DDI2: variants seen among roughly 807,000 people sequenced by gnomAD.
DDI2 encodes the protein DDI proteasomal shuttling factor 2.
DDI2 carries 5 observed loss-of-function variants against 48.1 expected under a neutral mutation model. The ratio of observed to expected loss-of-function variants is 0.10; its 90% CI spans 0.05 to 0.22. The LOEUF (loss-of-function observed/expected upper bound fraction) is 0.22. DDI2 is among the 10% of genes least tolerant of loss of function. The pLI is 1.00. For synonymous variants in DDI2, 205 were observed against 183.6 expected, an observed-to-expected ratio of 1.12 and a Z score of -0.94; for missense variants, 285 against 506.2, an observed-to-expected ratio of 0.56 and a Z score of 4.19.
rs778662300 is a variant in DDI2, at chr1:15,661,410, G to C, written c.*1620G>C. Reference sequence around the variant, plus strand: ...AGACTTCTGAGCAAACTAAGTCTTTGTCATCCAATTTCATATTGGTTAAAG... The same window carrying C: ...AGACTTCTGAGCAAACTAAGTCTTTCTCATCCAATTTCATATTGGTTAAAG... On this transcript the variant is annotated 3_prime_UTR_variant, in exon 10 of 10. Coordinates refer to ENST00000480945, the MANE Select transcript of DDI2 (RefSeq NM_032341.5). The C allele has an allele frequency of 4.3e-6, 7 of 1,614,020 alleles. No homozygotes were observed. Among genetic ancestry groups the C allele is most frequent in the Non-Finnish European group, 4.2e-6 (5 of 1,180,052 alleles).
chr1:15,654,391 GC>G (rs1311755859), intron 8 of DDI2, among the ~76,000 whole-genome samples: 1 of 152,130 alleles, frequency 6.6e-6, no homozygotes, highest in Non-Finnish European at 1.5e-5. Flanking sequence ...GGTGGCTTAT[GC>G]CTGTGATCCC....
chr1:15,621,880 G>T (rs184875724), intron 1 of DDI2, among the ~76,000 whole-genome samples: 62 of 152,246 alleles, frequency 4.1e-4, no homozygotes, highest in African/African-American at 1.4e-3. Context: ...ATATGCAGTT[G>T]CCAGATCAAA....
chr1:15,660,816 T>C lies in DDI2; in HGVS notation c.*1026T>C. ...AGGATTTACAGCCCCCAGAAACTAA[T>C]GTTGAAATACCTGGAACAAATAAAG... On this transcript the variant is annotated 3_prime_UTR_variant, in exon 10 of 10. Transcript: ENST00000480945. 6.2e-7 allele frequency: 1 copy of C among 1,614,160 alleles called. No homozygotes were observed.
chr1:15,652,561 C>A (rs1215798318), intron 8 of DDI2, among the ~76,000 whole-genome samples: 2 of 149,140 alleles, frequency 1.3e-5, no homozygotes, highest in African/African-American at 4.9e-5. Context: ...CGGTGGCTCA[C>A]GCCTGTAATC....
In DDI2 at chr1:15,629,726, ATT is replaced by A. The variant is rs113510565; in HGVS notation, c.269-583_269-582del. 6.3e-3 allele frequency among the ~76,000 whole-genome samples: 894 copies of A among 142,440 alleles called. 8 individuals carry two copies. The highest frequency in any genetic ancestry group is 0.022 in the African/African-American group (831 of 38,478). 93.4% of individuals were successfully genotyped at this position (142,440 alleles called of 152,430 possible). On this transcript the variant is annotated intron_variant, in intron 2 of 9. Transcript: ENST00000480945. ...ATTATATTTATTGAAACTAGCTTTA[ATT>A]TTTTTTTTTTTTTTTCTTTTGAGAT...
At chr1:15,642,902 C>G (rs1256782070) in intron 5 of DDI2, among the ~76,000 whole-genome samples, 1 of 152,142 alleles carries the variant, frequency 6.6e-6, no homozygotes, top group Non-Finnish European at 1.5e-5. Context: ...CCCACCTCTA[C>G]TAAAAATACA....
chr1:15,626,746 G>A lies in DDI2; in HGVS notation c.216G>A (p.Val72=). Residue 72 remains valine (V), a synonymous_variant, in exon 2 of 10, where the codon GTG becomes GTA. Transcript: ENST00000480945. ...ASYGLKDGDV[V]ILRQKENADP... ...ATGGCTTGAAAGATGGGGACGTTGT[G>A]ATTTTACGACAGAAGGAGAATGCAG... 1 of 1,614,204 alleles carries A rather than the reference G, an allele frequency of 6.2e-7. No individual in the cohort carries two copies. The highest frequency in any genetic ancestry group is 8.5e-7 in the Non-Finnish European group (1 of 1,180,040).
chr1:15,651,235 T>C (rs1640177295), intron 7 of DDI2, among the ~76,000 whole-genome samples: 1 of 152,212 alleles, frequency 6.6e-6, no homozygotes. Flanking sequence ...ATTTTTTTAG[T>C]CATGGTATAG....
At position 15,668,238 on chromosome 1, in the gene DDI2, G is replaced by A. The variant is rs1196852860; in HGVS notation, c.*8448G>A. ...TGGTAGACCTGTATTTCCTTCCCGA[G>A]GCAGGCTGATTCGTTTCCTGATTCC... On this transcript the variant is annotated 3_prime_UTR_variant, in exon 10 of 10. Transcript: ENST00000480945. The A allele has an allele frequency of 6.6e-6, 1 of 152,090 alleles. No individual in the cohort carries two copies. Among genetic ancestry groups the A allele is most frequent in the African/African-American group, 2.4e-5 (1 of 41,402 alleles). 9.4% of individuals were successfully genotyped at this position (152,090 alleles called of 1,614,324 possible).
intron 2 of DDI2, among the ~76,000 whole-genome samples, chr1:15,628,874 C>T (rs747224264): frequency 4.6e-5 from 7 of 152,156 alleles, no homozygotes; most frequent in Non-Finnish European, 8.8e-5. Context: ...CCCTAGTCTC[C>T]GCAGCCTAGA....
At position 15,664,424 on chromosome 1, in the gene DDI2, C is replaced by CTT. The variant is rs1202542412; in HGVS notation, c.*4635_*4636insTT. 2.1e-5 allele frequency: 3 copies of CTT among 140,220 alleles called. No homozygotes were observed. Among genetic ancestry groups the CTT allele is most frequent in the African/African-American group, 8.4e-5 (3 of 35,648 alleles). 8.7% of individuals were successfully genotyped at this position (140,220 alleles called of 1,614,324 possible). ...CCAGTGTGGGCGGCAGAGTGAGACT[C>CTT]TGTCTCACCCAAAAAAAAAAAAAAA... On this transcript the variant is annotated 3_prime_UTR_variant, in exon 10 of 10. Transcript: ENST00000480945.
intron 6 of DDI2, among the ~76,000 whole-genome samples, chr1:15,644,888 C>T (rs1195077448): frequency 4.7e-5 from 7 of 150,044 alleles, no homozygotes; most frequent in East Asian, 4.0e-4. Flanking sequence ...CCACCGCTCC[C>T]GGCCTCTTTT....
intron 6 of DDI2, among the ~76,000 whole-genome samples, chr1:15,645,170 G>GCT (rs1187208997): frequency 6.6e-6 from 1 of 152,246 alleles, no homozygotes; most frequent in African/African-American, 2.4e-5. Context: ...TGGGATTATG[G>GCT]CGTGAGCCAC....
chr1:15,621,584 C>G (rs908422989), intron 1 of DDI2, among the ~76,000 whole-genome samples: 1 of 152,120 alleles, frequency 6.6e-6, no homozygotes, highest in African/African-American at 2.4e-5. Flanking sequence ...GGGGGTTTCA[C>G]TGTGTTGGCC....
chr1:15,650,419 G>A (rs893636055), intron 7 of DDI2, among the ~76,000 whole-genome samples: 1 of 152,046 alleles, frequency 6.6e-6, no homozygotes, highest in Non-Finnish European at 1.5e-5. Context: ...GACCTCACTG[G>A]GTACTTCACA....
intron 9 of DDI2, among the ~76,000 whole-genome samples, chr1:15,658,647 G>A (rs745483445): frequency 6.6e-6 from 1 of 151,810 alleles, no homozygotes; most frequent in Non-Finnish European, 1.5e-5. Flanking sequence ...TGTAATCCCA[G>A]CTACTCTGAG....
intron 6 of DDI2, among the ~76,000 whole-genome samples, chr1:15,644,893 T>C (rs966100711): frequency 4.6e-5 from 7 of 150,750 alleles, no homozygotes; most frequent in Non-Finnish European, 1.0e-4. Flanking sequence ...GCTCCCGGCC[T>C]CTTTTCTGTT....
chr1:15,644,899 C>T (rs1392792780), intron 6 of DDI2, among the ~76,000 whole-genome samples: 2 of 138,842 alleles, frequency 1.4e-5, no homozygotes, highest in African/African-American at 5.4e-5. Flanking sequence ...GGCCTCTTTT[C>T]TGTTTTTTTG....
intron 4 of DDI2, among the ~76,000 whole-genome samples, chr1:15,636,480 G>A (rs892320071): frequency 5.7e-5 from 7 of 121,880 alleles, no homozygotes; most frequent in African/African-American, 3.3e-4. Flanking sequence ...CCATAAAACA[G>A]GGCAAAAAAA....
Sources: allele counts gnomAD v4.1 joint callset (sites outside exome capture counted in the v4.1 genomes callset), GRCh38; gene constraint gnomAD v4.1.1; transcripts MANE v1.5; gene names NCBI Gene and HGNC (gene_info 2026-07-23, HGNC 2026-07-21).